MYO3A: variants seen among roughly 807,000 people sequenced by gnomAD.
MYO3A encodes the protein myosin IIIA.
MYO3A carries 180 observed loss-of-function variants against 192.7 expected under a neutral mutation model. That is an observed-to-expected ratio of 0.93 (90% confidence interval 0.83 to 1.06). The LOEUF is 1.06. Among genes scored for constraint, MYO3A ranks in the 50% least tolerant of loss-of-function variants. The pLI, the probability that MYO3A is intolerant of heterozygous loss-of-function variation, is 0.00. For missense variants in MYO3A, 1,896 were observed against 1,905.0 expected (o/e 1.00, Z 0.09); for synonymous variants, 628 against 645.3 (o/e 0.97, Z 0.41).
At chr10:25,988,836 A>G (rs1473499897) in intron 4 of MYO3A, among the ~76,000 whole-genome samples, 9 of 152,038 alleles carry the variant, frequency 5.9e-5, no homozygotes, top group South Asian at 2.1e-4. Flanking sequence ...ATAATAGTCA[A>G]TTGCAGAAAG....
At chr10:26,192,255 T>A (rs545399323) in intron 31 of MYO3A, among the ~76,000 whole-genome samples, 54 of 152,284 alleles carry the variant, frequency 3.5e-4, no homozygotes, top group African/African-American at 9.1e-4. Context: ...GACAAAAAAA[T>A]TTATTCTCTC....
chr10:25,948,136 G>C (rs185823778), intron 2 of MYO3A, among the ~76,000 whole-genome samples: 75 of 152,234 alleles, frequency 4.9e-4, no homozygotes, highest in African/African-American at 1.8e-3. Context: ...TCAATATCTG[G>C]AGAAAGAGCA....
Position 26,057,382 on chromosome 10 carries a change from A to G in MYO3A, c.954-9593A>G, listed in dbSNP as rs902614416. Among the ~76,000 whole-genome samples the G allele has an allele frequency of 4.6e-5, 7 of 152,092 alleles. No homozygotes were observed. The East Asian group carries it at 5.8e-4, about 13-fold the overall frequency. ...GACAAATTAGTAGGGTTAACCCTGG[A>G]AAAAAAAGGCGATGCTTCCACCCTG... On this transcript the variant is annotated intron_variant, in intron 10 of 34. Transcript: ENST00000642920.
In MYO3A at chr10:26,145,427, G is replaced by T; in HGVS notation, c.2417-19G>T. On this transcript the variant is annotated intron_variant, in intron 21 of 34. Coordinates refer to ENST00000642920, the MANE Select transcript of MYO3A (RefSeq NM_017433.5). ...GATCTCATACATGCTTGATATTTGA[G>T]TTCAGTATTTTTCTACAGAAAAATT... 1 of 1,492,864 alleles carries T rather than the reference G, an allele frequency of 6.7e-7. No homozygotes were observed. Among genetic ancestry groups the T allele is most frequent in the South Asian group, 1.1e-5 (1 of 88,484 alleles). The allele number at this position is 1,492,864 out of a possible 1,614,324, so 92.5% of individuals were successfully genotyped here.
intron 10 of MYO3A, among the ~76,000 whole-genome samples, chr10:26,055,693 A>T (rs894655736): frequency 1.3e-5 from 2 of 152,224 alleles, no homozygotes; most frequent in African/African-American, 4.8e-5. Context: ...AAAATATGGC[A>T]GAGCATTCTG....
intron 6 of MYO3A, among the ~76,000 whole-genome samples, chr10:26,002,473 G>C (rs1302544846): frequency 6.6e-6 from 1 of 152,200 alleles, no homozygotes. Context: ...CTATTGGCTA[G>C]GGTTAGACCG....
chr10:25,981,548 G>A (rs1159668118), intron 4 of MYO3A, among the ~76,000 whole-genome samples: 1 of 151,972 alleles, frequency 6.6e-6, no homozygotes, highest in Non-Finnish European at 1.5e-5. Context: ...TATGATAAAG[G>A]ACTTATATCC....
intron 20 of MYO3A, among the ~76,000 whole-genome samples, chr10:26,135,111 G>T (rs1171218538): frequency 1.3e-5 from 2 of 152,120 alleles, no homozygotes; most frequent in Non-Finnish European, 2.9e-5. Flanking sequence ...ACTGTGATTT[G>T]CCCAAGGTTA....
At chr10:25,995,463 G>A (rs1801800389) in intron 4 of MYO3A, among the ~76,000 whole-genome samples, 1 of 152,146 alleles carries the variant, frequency 6.6e-6, no homozygotes, top group Non-Finnish European at 1.5e-5. Flanking sequence ...TCCTCCTTTA[G>A]CTTGGAGAAG....
chr10:26,134,608 G>C (rs979444239), intron 20 of MYO3A, among the ~76,000 whole-genome samples: 1 of 152,078 alleles, frequency 6.6e-6, no homozygotes, highest in Non-Finnish European at 1.5e-5. Context: ...GGGTACACAG[G>C]AGTTCTTTGT....
At chr10:26,039,777 T>C (rs1019780626) in intron 10 of MYO3A, among the ~76,000 whole-genome samples, 1 of 152,282 alleles carries the variant, frequency 6.6e-6, no homozygotes, top group Non-Finnish European at 1.5e-5. Context: ...CTCATTTTTC[T>C]TAGTCTGGCT....
chr10:25,962,279 G>A (rs576488497), intron 4 of MYO3A, among the ~76,000 whole-genome samples: 5 of 151,986 alleles, frequency 3.3e-5, no homozygotes, highest in Non-Finnish European at 5.9e-5. Flanking sequence ...AAGTTTTTGA[G>A]CATGAATGAT....
At chr10:26,030,738 T>C (rs550995648) in intron 10 of MYO3A, among the ~76,000 whole-genome samples, 1 of 152,328 alleles carries the variant, frequency 6.6e-6, no homozygotes, top group Admixed American at 6.5e-5. Flanking sequence ...GCAGTATAAT[T>C]TTTTAAAAAT....
At chr10:25,986,720 A>C (rs1029559935) in intron 4 of MYO3A, among the ~76,000 whole-genome samples, 1 of 152,242 alleles carries the variant, frequency 6.6e-6, no homozygotes, top group Non-Finnish European at 1.5e-5. Context: ...AGATGACACA[A>C]AAAAATGGAA....
rs2130604777 is a variant in MYO3A at position 25,956,969 on chromosome 10, A to G, written c.303+1961A>G. ...CATAATTTAGCTCCACTTATAGGTG[A>G]GAACATGTGACATTTGATTTTCTCT... On this transcript the variant is annotated intron_variant, in intron 4 of 34. Coordinates refer to ENST00000642920, the MANE Select transcript of MYO3A (RefSeq NM_017433.5). Among the ~76,000 whole-genome samples the G allele has an allele frequency of 2.0e-5, 3 of 152,282 alleles. No homozygotes were observed. The Middle Eastern group carries it at 0.01, about 518-fold the overall frequency.
intron 6 of MYO3A, among the ~76,000 whole-genome samples, chr10:25,998,593 G>A (rs539415809): frequency 5.3e-5 from 8 of 151,994 alleles, no homozygotes; most frequent in Non-Finnish European, 1.0e-4. Flanking sequence ...TGCTTCATAG[G>A]AGGGGCCATT....
chr10:26,128,346 C>T (rs1248794339), intron 19 of MYO3A, 45 bp from the exon 20 acceptor site: 1 of 1,583,436 alleles, frequency 6.3e-7, no homozygotes, highest in Non-Finnish European at 8.7e-7. Flanking sequence ...TTTACATTAC[C>T]TCTTCAGGAA....
chr10:25,952,527 G>A lies in MYO3A; in HGVS notation c.168+249G>A, dbSNP rs7923691. 0.72 allele frequency among the ~76,000 whole-genome samples: 108,741 copies of A among 151,988 alleles called. 39,270 individuals carry two copies. Among genetic ancestry groups the A allele is most frequent in the African/African-American group, 0.79 (32,850 of 41,496 alleles). ...CGCAAAAATGCAGCTCTCAACCGAC[G>A]ATATTATTAAAGTTGACTGAATGTT... On this transcript the variant is annotated intron_variant, in intron 3 of 34. Transcript: ENST00000642920.
chr10:26,063,173 G>C (rs925044244), intron 10 of MYO3A, among the ~76,000 whole-genome samples: 2 of 152,138 alleles, frequency 1.3e-5, no homozygotes, highest in Non-Finnish European at 2.9e-5. Context: ...GAAGTCAATG[G>C]CTGGCTGGAT....
Sources: gnomAD v4.1 joint callset for allele counts (sites outside exome capture counted in the v4.1 genomes callset) on GRCh38, gnomAD v4.1.1 for gene constraint, MANE v1.5 for transcripts, NCBI Gene and HGNC (gene_info 2026-07-23, HGNC 2026-07-21) for gene names.